The following PRELID2 variants were observed in gnomAD, a reference collection of about 807,000 sequenced individuals.
The protein encoded by PRELID2 is PRELI domain-containing protein 2.
Under a neutral mutation model 28.4 loss-of-function variants are expected in PRELID2, and 25 were observed. The ratio of observed to expected loss-of-function variants is 0.88; its 90% CI spans 0.64 to 1.23. The LOEUF (loss-of-function observed/expected upper bound fraction) is 1.23. Ranked by LOEUF, PRELID2 falls within the 50% of genes most tolerant of loss-of-function variation. PRELID2 has a pLI of 0.00. For synonymous variants in PRELID2, 76 were observed against 71.6 expected (o/e 1.06, Z -0.31); for missense variants, 201 against 214.4 (o/e 0.94, Z 0.39).
At chr5:145,552,940 A>C (rs1752849783) in intron 1 of PRELID2, among the ~76,000 whole-genome samples, 1 of 152,238 alleles carries the variant, frequency 6.6e-6, no homozygotes, top group South Asian at 2.1e-4. Context: ...AAATTAGTTT[A>C]CTTAGAAGAA....
chr5:145,448,061 T>C, the PRELID2 span, among the ~76,000 whole-genome samples: 1 of 152,102 alleles, frequency 6.6e-6, no homozygotes, highest in Non-Finnish European at 1.5e-5. Context: ...ACTTCCACAA[T>C]GGTTGAACTA....
chr5:145,428,937 GA>G, the PRELID2 span, among the ~76,000 whole-genome samples: 1 of 152,068 alleles, frequency 6.6e-6, no homozygotes, highest in African/African-American at 2.4e-5. Context: ...TGGGCTGAGT[GA>G]ACAAAGTCCA....
rs531259366 is a variant in PRELID2, at chr5:145,687,163, T to C, written n.70+77768A>G. Among the ~76,000 whole-genome samples, 55 of 152,348 alleles carry C rather than the reference T, an allele frequency of 3.6e-4. No homozygotes were observed. The South Asian group carries it at 0.011, about 31-fold the overall frequency. ...TATTACCATGTCAATACTACTGTTA[T>C]TTAACAACCTGGCAGTGTTAATGGG... On this transcript the variant is annotated intron_variant and non_coding_transcript_variant, in intron 1 of 2. Coordinates refer to the PRELID2 transcript ENST00000510259.
At chr5:145,526,755 C>T (rs1347848887) in intron 1 of PRELID2, among the ~76,000 whole-genome samples, 1 of 152,070 alleles carries the variant, frequency 6.6e-6, no homozygotes, top group African/African-American at 2.4e-5. Context: ...GTGATCAGAG[C>T]CTGAGAGGCT....
At chr5:145,657,226 GTACATAATTACACTATTCT>G (rs1754411215) in intron 1 of PRELID2, among the ~76,000 whole-genome samples, 1 of 152,056 alleles carries the variant, frequency 6.6e-6, no homozygotes, top group Admixed American at 6.6e-5. Flanking sequence ...AAGGATTCTG[GTACATAATTACACTATTCT>G]TTCCCTTAAA....
At chr5:145,233,428 C>G in the PRELID2 span, among the ~76,000 whole-genome samples, 1 of 152,016 alleles carries the variant, frequency 6.6e-6, no homozygotes, top group Non-Finnish European at 1.5e-5. Flanking sequence ...GAAATTCCAC[C>G]TTTTTCATGA....
the PRELID2 span, among the ~76,000 whole-genome samples, chr5:145,269,261 C>T: frequency 1.3e-5 from 2 of 152,018 alleles, no homozygotes; most frequent in Non-Finnish European, 2.9e-5. Flanking sequence ...TGCAAAACTA[C>T]AATTAGTATG....
chr5:145,245,864 A>G, the PRELID2 span, among the ~76,000 whole-genome samples: 1 of 152,146 alleles, frequency 6.6e-6, no homozygotes, highest in African/African-American at 2.4e-5. Context: ...TAGACTGTGC[A>G]TGTCAATGTA....
chr5:145,728,795 G>C (rs1399137355), intron 1 of PRELID2: 4 of 1,121,800 alleles, frequency 3.6e-6, no homozygotes, highest in Non-Finnish European at 5.5e-6. Context: ...AGTAGAAGTT[G>C]TACGTTCCAA....
At chr5:145,678,644 G>A (rs1462094966) in intron 1 of PRELID2, among the ~76,000 whole-genome samples, 1 of 152,112 alleles carries the variant, frequency 6.6e-6, no homozygotes, top group East Asian at 1.9e-4. Context: ...TAAAATAAAT[G>A]TACTAGTACT....
the PRELID2 span, among the ~76,000 whole-genome samples, chr5:145,409,183 A>T: frequency 6.6e-6 from 1 of 152,208 alleles, no homozygotes; most frequent in Non-Finnish European, 1.5e-5. Flanking sequence ...ACAATATGCC[A>T]CTACCAAGCC....
chr5:145,468,180 C>A (rs1752020425), downstream of PRELID2, among the ~76,000 whole-genome samples: 1 of 152,134 alleles, frequency 6.6e-6, no homozygotes, highest in Non-Finnish European at 1.5e-5. Flanking sequence ...GGTTTTTTGT[C>A]CTGGCGATAG....
chr5:145,820,961 A>T, intron 2 of PRELID2, among the ~76,000 whole-genome samples: 1 of 152,092 alleles, frequency 6.6e-6, no homozygotes, highest in East Asian at 1.9e-4. Flanking sequence ...GCACGTTGGC[A>T]TATATCCGGG....
intron 1 of PRELID2, among the ~76,000 whole-genome samples, chr5:145,497,549 A>C (rs1028624956): frequency 6.6e-6 from 1 of 152,176 alleles, no homozygotes; most frequent in Non-Finnish European, 1.5e-5. Flanking sequence ...GCAGTAACTT[A>C]GGAGTGTTAT....
chr5:145,730,889 G>T (rs1756324628), intron 1 of PRELID2, among the ~76,000 whole-genome samples: 1 of 151,558 alleles, frequency 6.6e-6, no homozygotes, highest in Non-Finnish European at 1.5e-5. Flanking sequence ...AAAGATGCCT[G>T]CCCCAAGGCA....
At chr5:145,388,294 G>T in the PRELID2 span, among the ~76,000 whole-genome samples, 1 of 152,180 alleles carries the variant, frequency 6.6e-6, no homozygotes, top group Non-Finnish European at 1.5e-5. Context: ...GAATAAATGT[G>T]TAACTTGTCC....
the PRELID2 span, among the ~76,000 whole-genome samples, chr5:145,421,192 C>A: frequency 6.6e-6 from 1 of 150,426 alleles, no homozygotes; most frequent in African/African-American, 2.4e-5. Context: ...GTCTAAAATT[C>A]TCTTTTTTTG....
chr5:145,292,492 C>T, the PRELID2 span, among the ~76,000 whole-genome samples: 1 of 152,100 alleles, frequency 6.6e-6, no homozygotes, highest in Admixed American at 6.6e-5. Context: ...AGGATGAGGA[C>T]TTCACCTACT....
At chr5:145,692,929 A>T (rs1755179452) in intron 1 of PRELID2, among the ~76,000 whole-genome samples, 1 of 152,166 alleles carries the variant, frequency 6.6e-6, no homozygotes, top group Non-Finnish European at 1.5e-5. Context: ...ATTTTCACTC[A>T]TACATGGTTA....
Sources: allele counts gnomAD v4.1 joint callset (sites outside exome capture counted in the v4.1 genomes callset), GRCh38; gene constraint gnomAD v4.1.1; transcripts MANE v1.5; gene names NCBI Gene and HGNC (gene_info 2026-07-23, HGNC 2026-07-21).